FOXP2: variants seen among roughly 807,000 people sequenced by gnomAD.
FOXP2 encodes forkhead box P2.
Under a neutral mutation model 115.8 loss-of-function variants are expected in FOXP2, and 12 were observed. The ratio of observed to expected loss-of-function variants is 0.10; its 90% CI spans 0.07 to 0.17. The LOEUF (loss-of-function observed/expected upper bound fraction) is 0.17, where lower values mean the gene tolerates loss of function less well. Among genes scored for constraint, FOXP2 ranks in the 10% least tolerant of loss-of-function variants. The pLI is 1.00. For synonymous variants in FOXP2, 328 were observed against 297.7 expected (o/e 1.10, Z -1.05); for missense variants, 629 against 843.5 (o/e 0.75, Z 3.15).
chr7:114,370,167 C>A (rs1791969123), intron 2 of FOXP2, among the ~76,000 whole-genome samples: 1 of 152,020 alleles, frequency 6.6e-6, no homozygotes, highest in South Asian at 2.1e-4. Flanking sequence ...ATGGTTTTTT[C>A]CCCCTTACTT....
chr7:114,167,935 C>CAA (rs34195375), intron 1 of FOXP2, among the ~76,000 whole-genome samples: 148 of 83,492 alleles, frequency 1.8e-3, no homozygotes, highest in East Asian at 9.1e-3. Context: ...GACTCCATCT[C>CAA]AAAAAAAAAA....
chr7:114,091,210 CA>C, intron 1 of FOXP2, among the ~76,000 whole-genome samples: 1 of 151,696 alleles, frequency 6.6e-6, no homozygotes, highest in East Asian at 1.9e-4. Context: ...AACAAACAAA[CA>C]AAAAAGTGCC....
chr7:114,462,613 C>T (rs994609523), intron 2 of FOXP2, among the ~76,000 whole-genome samples: 3 of 151,994 alleles, frequency 2.0e-5, no homozygotes. Flanking sequence ...CCTGGTGATC[C>T]GCCCGCCTCA....
chr7:114,160,982 A>T (rs1309091074), upstream of FOXP2, among the ~76,000 whole-genome samples: 1 of 152,222 alleles, frequency 6.6e-6, no homozygotes, highest in Non-Finnish European at 1.5e-5. Context: ...ATGTCAGTCC[A>T]GGACAACAAA....
intron 2 of FOXP2, among the ~76,000 whole-genome samples, chr7:114,531,223 A>C (rs536496865): frequency 1.3e-5 from 2 of 151,936 alleles, no homozygotes; most frequent in Admixed American, 6.6e-5. Flanking sequence ...GAGGGTGACC[A>C]TCTAAATGAC....
intron 1 of FOXP2, among the ~76,000 whole-genome samples, chr7:114,236,900 C>T (rs967788651): frequency 9.9e-5 from 15 of 152,044 alleles, no homozygotes; most frequent in African/African-American, 3.4e-4. Flanking sequence ...TTGCTTGAAC[C>T]CAGGAGGTGA....
chr7:114,377,322 T>C (rs1792165272), intron 2 of FOXP2, among the ~76,000 whole-genome samples: 1 of 151,970 alleles, frequency 6.6e-6, no homozygotes, highest in Non-Finnish European at 1.5e-5. Context: ...TTTTATTGGG[T>C]AAAAAGGAAA....
chr7:114,275,554 A>T (rs1796166340), intron 1 of FOXP2, among the ~76,000 whole-genome samples: 1 of 152,020 alleles, frequency 6.6e-6, no homozygotes, highest in Non-Finnish European at 1.5e-5. Context: ...TAGGAGTTCC[A>T]TCTCTTTGCT....
intron 1 of FOXP2, among the ~76,000 whole-genome samples, chr7:114,265,623 T>C (rs770459687): frequency 2.0e-4 from 30 of 151,832 alleles, no homozygotes; most frequent in Non-Finnish European, 2.1e-4. Context: ...GTACTCTGTG[T>C]GGGGCCTCCA....
chr7:114,642,954 G>A (rs368413282), intron 7 of FOXP2, among the ~76,000 whole-genome samples: 3 of 150,040 alleles, frequency 2.0e-5, no homozygotes, highest in South Asian at 4.2e-4. Context: ...GACTACAGGC[G>A]CCCGCCCCCA....
intron 2 of FOXP2, among the ~76,000 whole-genome samples, chr7:114,468,561 C>T (rs534186596): frequency 1.2e-4 from 18 of 152,134 alleles, no homozygotes; most frequent in East Asian, 1.9e-4. Flanking sequence ...ACGCTACATA[C>T]GGGTCCTCGC....
chr7:114,217,785 C>T (rs557277895), intron 1 of FOXP2, among the ~76,000 whole-genome samples: 1 of 152,282 alleles, frequency 6.6e-6, no homozygotes, highest in African/African-American at 2.4e-5. Context: ...AGTGAGTATT[C>T]TCAGTTATTT....
chr7:114,309,979 T>C (rs1053849410), intron 2 of FOXP2, among the ~76,000 whole-genome samples: 11 of 152,216 alleles, frequency 7.2e-5, no homozygotes, highest in African/African-American at 2.6e-4. Flanking sequence ...GTGTCTTTAA[T>C]CTGCCAGTCT....
At chr7:114,100,982 C>T (rs1790933558) in intron 1 of FOXP2, among the ~76,000 whole-genome samples, 3 of 152,096 alleles carry the variant, frequency 2.0e-5, no homozygotes, top group Non-Finnish European at 4.4e-5. Context: ...GCAAATTAAC[C>T]AGCCCATGTT....
chr7:114,537,865 A>C (rs1346788736), intron 3 of FOXP2, among the ~76,000 whole-genome samples: 1 of 151,714 alleles, frequency 6.6e-6, no homozygotes, highest in Non-Finnish European at 1.5e-5. Context: ...TGAATAATAT[A>C]TAAAGATTGT....
chr7:114,190,127 T>G (rs557070366), intron 1 of FOXP2, among the ~76,000 whole-genome samples: 1 of 152,228 alleles, frequency 6.6e-6, no homozygotes, highest in Non-Finnish European at 1.5e-5. Context: ...TCTTTCTCAC[T>G]GAATGAAACT....
rs185899474 is a variant in FOXP2 at position 114,318,826 on chromosome 7, A to G, written c.-11+30717A>G. 2.7e-3 allele frequency among the ~76,000 whole-genome samples: 417 copies of G among 152,166 alleles called. 2 individuals are homozygous for G. The highest frequency in any genetic ancestry group is 9.7e-3 in the African/African-American group (401 of 41,516). ...AATACTACCTTTATTTGTATGTTTG[A>G]CAGAAGGCAGAATGAAACCAGTTGT... On this transcript the variant is annotated intron_variant, in intron 2 of 17. Transcript: ENST00000634411.
At chr7:114,175,606 A>G (rs1459725281) in intron 1 of FOXP2, among the ~76,000 whole-genome samples, 2 of 152,194 alleles carry the variant, frequency 1.3e-5, no homozygotes, top group Admixed American at 6.5e-5. Flanking sequence ...ACATTTTTCT[A>G]CATATGGTGT....
At chr7:114,401,148 C>T (rs1047825732) in intron 2 of FOXP2, among the ~76,000 whole-genome samples, 22 of 152,012 alleles carry the variant, frequency 1.4e-4, no homozygotes, top group African/African-American at 3.9e-4. Context: ...TTTGATAAAA[C>T]GGTTTTACAA....
Sources: gnomAD v4.1 joint callset for allele counts (sites outside exome capture counted in the v4.1 genomes callset) on GRCh38, gnomAD v4.1.1 for gene constraint, MANE v1.5 for transcripts, NCBI Gene and HGNC (gene_info 2026-07-23, HGNC 2026-07-21) for gene names.